Variants in DEPDC1 observed in about 807,000 individuals in gnomAD.
DEPDC1 encodes the protein DEP domain-containing protein 1A.
Under a neutral mutation model 86.8 loss-of-function variants are expected in DEPDC1, and 66 were observed. The observed-to-expected ratio is 0.76, with a 90% CI of 0.62 to 0.93. The LOEUF is 0.93. Ranked by LOEUF, DEPDC1 falls within the 40% of genes least tolerant of loss-of-function variation. The pLI, the probability that DEPDC1 is intolerant of heterozygous loss-of-function variation, is 0.00. For missense variants in DEPDC1, 792 were observed against 935.7 expected (o/e 0.85, Z 2.00); for synonymous variants, 255 against 314.9 (o/e 0.81, Z 2.02).
Position 68,483,949 on chromosome 1 carries a change from C to A in DEPDC1, c.910+1G>T, listed in dbSNP as rs768212832. On this transcript the variant is annotated splice_donor_variant, in intron 7 of 11. Coordinates refer to ENST00000456315, the MANE Select transcript of DEPDC1 (RefSeq NM_001114120.3). LOFTEE classifies it high-confidence loss of function. Reference sequence around the variant, plus strand: ...CTAAAATCAGTAAAATCTATACATACCCAAAATGTTTACAAATAATTCGTA... The same window carrying A: ...CTAAAATCAGTAAAATCTATACATAACCAAAATGTTTACAAATAATTCGTA... 8.0e-6 allele frequency: 12 copies of A among 1,491,312 alleles called. No homozygotes were observed. The highest frequency in any genetic ancestry group is 1.1e-5 in the Non-Finnish European group (12 of 1,107,350). 92.4% of individuals were successfully genotyped at this position (1,491,312 alleles called of 1,614,324 possible).
At chr1:68,483,880 G>C in intron 7 of DEPDC1, 70 bp downstream of exon 7, 1 of 1,020,356 alleles carries the variant, frequency 9.8e-7, no homozygotes, top group East Asian at 2.9e-5. Context: ...TATGGTTTTA[G>C]ATCTTCTAAA....
intron 2 of DEPDC1, among the ~76,000 whole-genome samples, chr1:68,489,967 C>T (rs1168261811): frequency 6.6e-6 from 1 of 151,834 alleles, no homozygotes; most frequent in African/African-American, 2.4e-5. Flanking sequence ...GTCCTCATTT[C>T]TGGAACTTAG....
intron 9 of DEPDC1, among the ~76,000 whole-genome samples, chr1:68,480,276 A>ACACACT (rs1433219293): frequency 1.3e-5 from 2 of 151,438 alleles, no homozygotes; most frequent in Non-Finnish European, 2.9e-5. Context: ...ACACACACAC[A>ACACACT]CACACACCCC....
In DEPDC1 at chr1:68,479,006, G is replaced by T. The variant is rs1174415318; in HGVS notation, c.2112+138C>A. 5.6e-5 allele frequency: 37 copies of T among 663,990 alleles called. No individual in the cohort carries two copies. In the South Asian group the frequency reaches 8.0e-4, roughly 14 times the overall value. The allele number at this position is 663,990 out of a possible 1,614,324, so 41.1% of individuals were successfully genotyped here. A position where few individuals can be genotyped will look rare whatever the true frequency, so the allele number is the denominator to read the frequency against. ...GAGTCATATAGCTATTTGAGTCCCA[G>T]ATTCTGTCTACATTCCTGACTTTTA... is the stretch of plus-strand genomic sequence containing the variant. On this transcript the variant is annotated intron_variant, in intron 10 of 11. Transcript: ENST00000456315.
At chr1:68,489,128 A>T (rs537286941) in intron 3 of DEPDC1, 94 bp from the exon 4 acceptor site, 2 of 790,794 alleles carry the variant, frequency 2.5e-6, no homozygotes, top group Middle Eastern at 3.4e-4. Context: ...TCCATTGTGG[A>T]GCTATAAAGT....
chr1:68,493,408 T>C (rs1043989196), intron 2 of DEPDC1, among the ~76,000 whole-genome samples: 11 of 152,136 alleles, frequency 7.2e-5, no homozygotes, highest in Admixed American at 2.0e-4. Flanking sequence ...GCAATTATGC[T>C]GACCTGTGGG....
chr1:68,489,414 T>G, intron 3 of DEPDC1, 38 bp downstream of exon 3: 1 of 1,339,000 alleles, frequency 7.5e-7, no homozygotes, highest in Middle Eastern at 2.8e-4. Context: ...TACATCATAA[T>G]TATATTTAAA....
intron 7 of DEPDC1, 60 bp downstream of exon 7, chr1:68,483,890 A>C: frequency 8.9e-7 from 1 of 1,120,856 alleles, no homozygotes; most frequent in Non-Finnish European, 1.2e-6. Context: ...GATCTTCTAA[A>C]TTATAAGAAA....
chr1:68,484,232 G>C, intron 6 of DEPDC1, 142 bp from the exon 7 acceptor site: 1 of 563,884 alleles, frequency 1.8e-6, no homozygotes, highest in Non-Finnish European at 2.9e-6. Context: ...AATTTAAAGG[G>C]TGTATTTCAT....
intron 10 of DEPDC1, 90 bp from the exon 11 acceptor site, chr1:68,478,062 A>G (rs558765021): frequency 8.9e-4 from 791 of 887,504 alleles, no homozygotes; most frequent in Middle Eastern, 1.9e-3. Flanking sequence ...GCACCTATTA[A>G]TTTACCACCA....
chr1:68,477,992 A>C lies in DEPDC1; in HGVS notation c.2113-20T>G, dbSNP rs764571403. ...TTCAATCTGTAGTGATCAAAATGATATAACTCTGTTAATTCTGGTCATGTT... is the reference window on the plus strand; with the variant it reads ...TTCAATCTGTAGTGATCAAAATGATCTAACTCTGTTAATTCTGGTCATGTT... On this transcript the variant is annotated intron_variant, in intron 10 of 11. Transcript: ENST00000456315. 4.5e-5 allele frequency: 67 copies of C among 1,475,624 alleles called. No individual in the cohort carries two copies. Among genetic ancestry groups the C allele is most frequent in the Non-Finnish European group, 5.9e-5 (65 of 1,104,184 alleles). 91.4% of individuals were successfully genotyped at this position (1,475,624 alleles called of 1,614,324 possible).
chr1:68,478,103 T>C (rs1646129898), intron 10 of DEPDC1, 131 bp from the exon 11 acceptor site: 2 of 562,564 alleles, frequency 3.6e-6, no homozygotes, highest in Admixed American at 3.8e-5. Flanking sequence ...AAAAACTATG[T>C]ATTATGCAGT....
Position 68,496,750 on chromosome 1 carries a change from G to C in DEPDC1, c.48+202C>G, listed in dbSNP as rs1571209098. On this transcript the variant is annotated intron_variant, in intron 1 of 11. Coordinates refer to ENST00000456315, the MANE Select transcript of DEPDC1 (RefSeq NM_001114120.3). The surrounding 1 kb of genome is among the most constrained non-coding windows in gnomAD (Gnocchi z 4.0). ...CGCTTCCTTTCGGACCTGAGGCCCA[G>C]ACCCTCAAAATAGAGGGAGCGGTGA... is the stretch of plus-strand genomic sequence containing the variant. 5.6e-6 allele frequency: 3 copies of C among 535,202 alleles called. No individual in the cohort carries two copies. The highest frequency in any genetic ancestry group is 7.3e-4 in the Middle Eastern group (2 of 2,732). 33.2% of individuals were successfully genotyped at this position (535,202 alleles called of 1,614,324 possible).
At position 68,475,276 on chromosome 1, in the gene DEPDC1, TTTA is replaced by T. The variant is rs1305407187; in HGVS notation, c.*1653_*1655del. ...TTAGTGCAAATGAAAGTTGCCTGCC[TTTA>T]TTATTTATATATTTGTCTATAATAC... On this transcript the variant is annotated 3_prime_UTR_variant, in exon 12 of 12. Coordinates refer to ENST00000456315, the MANE Select transcript of DEPDC1 (RefSeq NM_001114120.3). The T allele has an allele frequency of 6.6e-6, 1 of 151,960 alleles. No individual in the cohort carries two copies. The highest frequency in any genetic ancestry group is 1.5e-5 in the Non-Finnish European group (1 of 67,890). The allele number at this position is 151,960 out of a possible 1,614,324, so 9.4% of individuals were successfully genotyped here. A position where few individuals can be genotyped will look rare whatever the true frequency, so the allele number is the denominator to read the frequency against.
chr1:68,481,386 T>C, intron 9 of DEPDC1, 54 bp downstream of exon 9: 2 of 1,510,998 alleles, frequency 1.3e-6, no homozygotes, highest in African/African-American at 2.8e-5. Context: ...TAGTTTGGTT[T>C]TGTTATTTTG....
Position 68,476,114 on chromosome 1 carries a change from T to C in DEPDC1, c.*818A>G, listed in dbSNP as rs1410653514. ...TAGTGTTGTTATTTTAAACATCTGA[T>C]AGGTGTATCTCCCTTGATTAAAAAA... On this transcript the variant is annotated 3_prime_UTR_variant, in exon 12 of 12. Transcript: ENST00000456315. 6.6e-6 allele frequency: 1 copy of C among 151,888 alleles called. No individual in the cohort carries two copies. The highest frequency in any genetic ancestry group is 1.5e-5 in the Non-Finnish European group (1 of 67,820). 9.4% of individuals were successfully genotyped at this position (151,888 alleles called of 1,614,324 possible). A position where few individuals can be genotyped will look rare whatever the true frequency, so the allele number is the denominator to read the frequency against.
At chr1:68,481,328 G>C (rs1646153738) in intron 9 of DEPDC1, 112 bp downstream of exon 9, 2 of 967,090 alleles carry the variant, frequency 2.1e-6, no homozygotes, top group East Asian at 5.2e-5. Context: ...TCCAACCTAA[G>C]AATCTAGCAC....
intron 3 of DEPDC1, 41 bp from the exon 4 acceptor site, chr1:68,489,075 A>T: frequency 8.2e-7 from 1 of 1,224,554 alleles, no homozygotes; most frequent in Non-Finnish European, 1.2e-6. Flanking sequence ...TTATGCTCAA[A>T]TTTTTTAAAT....
At chr1:68,493,999 CCTGTTATTTGT>C (rs1381109546) in intron 2 of DEPDC1, among the ~76,000 whole-genome samples, 3 of 152,238 alleles carry the variant, frequency 2.0e-5, no homozygotes, top group Admixed American at 1.3e-4. Flanking sequence ...TTTACCTGGT[CCTGTTATTTGT>C]CTGTTATTTA....
Sources: allele counts gnomAD v4.1 joint callset (sites outside exome capture counted in the v4.1 genomes callset), GRCh38; gene constraint gnomAD v4.1.1; non-coding constraint Gnocchi (gnomAD v3.1); transcripts MANE v1.5; gene names NCBI Gene and HGNC (gene_info 2026-07-23, HGNC 2026-07-21).